Variants in CEP57L1 observed in about 807,000 individuals in gnomAD.
CEP57L1 encodes centrosomal protein 57 like 1.
A neutral mutation model predicts 61.0 loss-of-function variants in CEP57L1; 37 were observed. The ratio of observed to expected loss-of-function variants is 0.61; its 90% CI spans 0.47 to 0.80. The LOEUF (loss-of-function observed/expected upper bound fraction) is 0.80, where lower values mean the gene tolerates loss of function less well. CEP57L1 is among the 30% of genes least tolerant of loss of function. CEP57L1 has a pLI of 0.00. For synonymous variants in CEP57L1, 137 were observed against 162.3 expected (o/e 0.84, Z 1.19); for missense variants, 422 against 524.7 (o/e 0.80, Z 1.91).
At chr6:109,126,313 G>A (rs1377153437) in intron 1 of CEP57L1, among the ~76,000 whole-genome samples, 1 of 152,064 alleles carries the variant, frequency 6.6e-6, no homozygotes, top group Non-Finnish European at 1.5e-5. Flanking sequence ...ATCTCCAGCT[G>A]CTTTCTACCT....
At chr6:109,126,199 T>C (rs927447313) in intron 1 of CEP57L1, among the ~76,000 whole-genome samples, 3 of 152,170 alleles carry the variant, frequency 2.0e-5, no homozygotes, top group Non-Finnish European at 2.9e-5. Context: ...ATAAACATAA[T>C]TGCCCTTTCT....
In CEP57L1 at chr6:109,102,403, A is replaced by C. The variant is rs546395456; in HGVS notation, c.-4+6828A>C. On this transcript the variant is annotated intron_variant, in intron 1 of 10. Coordinates refer to ENST00000517392, the MANE Select transcript of CEP57L1 (RefSeq NM_001271852.3). ...GTGCTTTGTATATTTTGGACACACA[A>C]GTCCTATATCAGACCTGCATTTTGT... 2.8e-3 allele frequency among the ~76,000 whole-genome samples: 434 copies of C among 152,318 alleles called. 4 individuals carry two copies. The highest frequency in any genetic ancestry group is 4.7e-3 in the Non-Finnish European group (319 of 68,034).
rs1279024354 is a variant in CEP57L1 at position 109,168,935 on chromosome 6, A to G, written c.*5965A>G. The stretch of plus-strand genomic sequence containing the variant: ...GATATAAAATAGTATTGAAAATATC[A>G]GAATGTGGCCAGGTGCGATGGCTCA... On this transcript the variant is annotated 3_prime_UTR_variant, in exon 11 of 11. Transcript: ENST00000517392. 6.6e-6 allele frequency among the ~76,000 whole-genome samples: 1 copy of G among 150,858 alleles called. No individual in the cohort carries two copies. The highest frequency in any genetic ancestry group is 1.5e-5 in the Non-Finnish European group (1 of 67,844).
At chr6:109,099,813 G>T (rs1782159860) in intron 1 of CEP57L1, among the ~76,000 whole-genome samples, 1 of 152,204 alleles carries the variant, frequency 6.6e-6, no homozygotes, top group South Asian at 2.1e-4. Flanking sequence ...CTCCCAAAGT[G>T]CTGGGATTAC....
In CEP57L1 at chr6:109,159,265, G is replaced by A. The variant is rs1773507868; in HGVS notation, c.823-4G>A. The stretch of plus-strand genomic sequence containing the variant: ...TGAATGCAAGTATGCAAAACTTTTT[G>A]CAGATGAGGCAACATCGTGACCCAC... On this transcript the variant is annotated splice_polypyrimidine_tract_variant and splice_region_variant and intron_variant, in intron 8 of 10. Transcript: ENST00000517392. The A allele has an allele frequency of 1.2e-6, 2 of 1,613,934 alleles. No homozygotes were observed. Among genetic ancestry groups the A allele is most frequent in the East Asian group, 2.2e-5 (1 of 44,880 alleles).
chr6:109,122,123 A>C (rs529643844), intron 1 of CEP57L1, among the ~76,000 whole-genome samples: 1 of 152,284 alleles, frequency 6.6e-6, no homozygotes, highest in African/African-American at 2.4e-5. Flanking sequence ...TCTGCCAGTT[A>C]TTTGCACTAC....
chr6:109,156,311 G>A (rs1356790679), intron 7 of CEP57L1: 2 of 152,482 alleles, frequency 1.3e-5, no homozygotes, highest in African/African-American at 2.4e-5. Flanking sequence ...CCTGAAAGCA[G>A]TTTTATGTAA....
chr6:109,120,667 A>G (rs181288263), intron 1 of CEP57L1, among the ~76,000 whole-genome samples: 123 of 151,836 alleles, frequency 8.1e-4, no homozygotes, highest in Non-Finnish European at 1.3e-3. Context: ...AAATATTTAT[A>G]GCACACAAAT....
At chr6:109,122,197 C>G (rs769451980) in intron 1 of CEP57L1, among the ~76,000 whole-genome samples, 2 of 151,936 alleles carry the variant, frequency 1.3e-5, no homozygotes, top group Non-Finnish European at 2.9e-5. Flanking sequence ...TTTGTTTTGT[C>G]TTTGTTGGTT....
chr6:109,116,443 C>T (rs1432030827), intron 1 of CEP57L1, among the ~76,000 whole-genome samples: 1 of 152,108 alleles, frequency 6.6e-6, no homozygotes, highest in Admixed American at 6.6e-5. Flanking sequence ...TCCCAAAGTG[C>T]TGGATTAAAG....
chr6:109,134,769 A>G (rs1012725652), intron 1 of CEP57L1, among the ~76,000 whole-genome samples: 18 of 152,084 alleles, frequency 1.2e-4, no homozygotes, highest in African/African-American at 1.9e-4. Flanking sequence ...TACACCAATA[A>G]CAGACAAACA....
chr6:109,112,131 C>A (rs940398101), intron 1 of CEP57L1, among the ~76,000 whole-genome samples: 2 of 152,100 alleles, frequency 1.3e-5, no homozygotes, highest in African/African-American at 4.8e-5. Flanking sequence ...TGGTAGAATT[C>A]GGCTGTGAAT....
Position 109,173,593 on chromosome 6 carries a change from T to TA in CEP57L1, c.*10638dup, listed in dbSNP as rs75064977. 2.4e-3 allele frequency among the ~76,000 whole-genome samples: 334 copies of TA among 141,564 alleles called. No homozygotes were observed. Among genetic ancestry groups the TA allele is most frequent in the East Asian group, 0.015 (75 of 4,858 alleles). 92.9% of individuals were successfully genotyped at this position (141,564 alleles called of 152,430 possible). ...GTGCATGCCACCACACCTGGCTAAT[T>TA]AAAAAAAAAAAAAAATTTTTTTTTT... On this transcript the variant is annotated 3_prime_UTR_variant, in exon 11 of 11. Coordinates refer to ENST00000517392, the MANE Select transcript of CEP57L1 (RefSeq NM_001271852.3).
intron 5 of CEP57L1, among the ~76,000 whole-genome samples, chr6:109,154,817 C>T (rs1198145717): frequency 1.3e-5 from 2 of 152,042 alleles, no homozygotes; most frequent in African/African-American, 4.8e-5. Flanking sequence ...TCACTCTTCT[C>T]CCAAAAGTAC....
chr6:109,142,966 T>G (rs999676822), intron 1 of CEP57L1, among the ~76,000 whole-genome samples: 1 of 101,724 alleles, frequency 9.8e-6, no homozygotes, highest in African/African-American at 4.4e-5. Context: ...TCTCTCTCTC[T>G]CTCTCTCTCT....
intron 1 of CEP57L1, among the ~76,000 whole-genome samples, chr6:109,111,611 G>C (rs944508978): frequency 6.6e-6 from 1 of 152,308 alleles, no homozygotes; most frequent in East Asian, 1.9e-4. Context: ...GGTTTTCAAA[G>C]GGAATGCTTC....
chr6:109,163,143 T>C lies in CEP57L1; in HGVS notation c.*173T>C, dbSNP rs888354018. 9 of 518,832 alleles carry C rather than the reference T, an allele frequency of 1.7e-5. No homozygotes were observed. The highest frequency in any genetic ancestry group is 1.4e-4 in the African/African-American group (7 of 50,976). The allele number at this position is 518,832 out of a possible 1,614,324, so 32.1% of individuals were successfully genotyped here. A position where few individuals can be genotyped will look rare whatever the true frequency, so the allele number is the denominator to read the frequency against. ...GCCTAATGACCTGGTGGGTTCCAAA[T>C]AATAAATTAATTGCTTTTTTATTTT... On this transcript the variant is annotated 3_prime_UTR_variant, in exon 11 of 11. Transcript: ENST00000517392.
intron 1 of CEP57L1, among the ~76,000 whole-genome samples, chr6:109,138,266 A>G (rs897392570): frequency 1.3e-5 from 2 of 152,164 alleles, no homozygotes; most frequent in African/African-American, 2.4e-5. Flanking sequence ...TAAAAGGCTT[A>G]TTCTGGTTGC....
At chr6:109,107,109 C>A (rs796832394) in intron 1 of CEP57L1, among the ~76,000 whole-genome samples, 1 of 152,070 alleles carries the variant, frequency 6.6e-6, no homozygotes, top group Non-Finnish European at 1.5e-5. Flanking sequence ...TCAAAACAGA[C>A]CCTCAATTCT....
Sources: gnomAD v4.1 joint callset for allele counts (sites outside exome capture counted in the v4.1 genomes callset) on GRCh38, gnomAD v4.1.1 for gene constraint, MANE v1.5 for transcripts, NCBI Gene and HGNC (gene_info 2026-07-23, HGNC 2026-07-21) for gene names.